CDH2: variants seen among roughly 807,000 people sequenced by gnomAD.
CDH2 encodes the protein cadherin 2.
Under a neutral mutation model 92.0 loss-of-function variants are expected in CDH2, and 17 were observed. The observed-to-expected ratio is 0.18, with a 90% CI of 0.13 to 0.28. The LOEUF (loss-of-function observed/expected upper bound fraction) is 0.28. Among genes scored for constraint, CDH2 ranks in the 10% least tolerant of loss-of-function variants. The pLI, the probability that CDH2 is intolerant of heterozygous loss-of-function variation, is 1.00. For synonymous variants in CDH2, 419 were observed against 415.9 expected (o/e 1.01, Z -0.09); for missense variants, 862 against 1,133.1 (o/e 0.76, Z 3.44).
chr18:27,953,872 A>T (rs558408720), intron 15 of CDH2, among the ~76,000 whole-genome samples: 7 of 152,304 alleles, frequency 4.6e-5, no homozygotes, highest in East Asian at 3.9e-4. Flanking sequence ...TAGTATTTTT[A>T]AAAAATTTAA....
At chr18:28,036,598 C>A in intron 2 of CDH2, 1 of 1,261,092 alleles carries the variant, frequency 7.9e-7, no homozygotes, top group Non-Finnish European at 1.1e-6. Context: ...TGAACAAAGT[C>A]ATAATAGGTA....
chr18:27,983,951 C>G (rs2012143329), intron 13 of CDH2, among the ~76,000 whole-genome samples: 1 of 152,190 alleles, frequency 6.6e-6, no homozygotes, highest in African/African-American at 2.4e-5. Context: ...GATTTAATGA[C>G]TCCTATTGGA....
At chr18:27,940,310 A>G (rs1909107176) in intron 6 of CDH2, among the ~76,000 whole-genome samples, 2 of 152,094 alleles carry the variant, frequency 1.3e-5, no homozygotes, top group African/African-American at 4.8e-5. Context: ...CTCTTGGGTA[A>G]TCCTGCATGG....
chr18:27,982,903 G>A (rs201574081), intron 14 of CDH2, 41 bp downstream of exon 14: 148 of 1,391,380 alleles, frequency 1.1e-4, no homozygotes, highest in Middle Eastern at 1.9e-4. Flanking sequence ...AAATTTATAC[G>A]ATCATAAAAT....
chr18:27,989,429 A>T (rs745377696), intron 10 of CDH2, among the ~76,000 whole-genome samples: 4 of 152,182 alleles, frequency 2.6e-5, no homozygotes, highest in Admixed American at 6.5e-5. Flanking sequence ...GAAATGGAGA[A>T]CATTTAACAT....
chr18:27,987,623 G>A (rs1357449002), intron 11 of CDH2, among the ~76,000 whole-genome samples: 1 of 152,096 alleles, frequency 6.6e-6, no homozygotes, highest in Non-Finnish European at 1.5e-5. Context: ...TTAAAATATA[G>A]TTGTGGTTCA....
chr18:28,155,038 TAC>T (rs1321349958), intron 1 of CDH2, among the ~76,000 whole-genome samples: 1 of 152,202 alleles, frequency 6.6e-6, no homozygotes, highest in Non-Finnish European at 1.5e-5. Flanking sequence ...TTGTAACAAT[TAC>T]ATTATTGTTT....
intron 6 of CDH2, among the ~76,000 whole-genome samples, chr18:27,937,927 T>C: frequency 6.6e-6 from 1 of 152,304 alleles, no homozygotes; most frequent in Middle Eastern, 3.4e-3. Context: ...GCATATGATA[T>C]GGTTTGAATA....
intron 2 of CDH2, among the ~76,000 whole-genome samples, chr18:28,029,823 C>T (rs1187954528): frequency 6.6e-6 from 1 of 152,082 alleles, no homozygotes; most frequent in African/African-American, 2.4e-5. Flanking sequence ...GCTACACACT[C>T]TTAGTCCAGC....
chr18:28,036,609 T>C (rs1050239036), intron 2 of CDH2: 4 of 1,154,042 alleles, frequency 3.5e-6, no homozygotes, highest in African/African-American at 3.1e-5. Flanking sequence ...ATAATAGGTA[T>C]GTCAGAATGA....
At chr18:28,116,777 A>G (rs553562409) in intron 2 of CDH2, among the ~76,000 whole-genome samples, 21 of 152,298 alleles carry the variant, frequency 1.4e-4, no homozygotes, top group Admixed American at 1.2e-3. Flanking sequence ...CTCCTGACTT[A>G]GAGAACTGAC....
chr18:27,940,323 G>A (rs1263415119), intron 6 of CDH2, among the ~76,000 whole-genome samples: 2 of 152,124 alleles, frequency 1.3e-5, no homozygotes, highest in Non-Finnish European at 2.9e-5. Context: ...CTGCATGGCG[G>A]GTTCAGTTGC....
intron 1 of CDH2, chr18:28,168,726 A>G: frequency 5.2e-6 from 1 of 191,968 alleles, no homozygotes. Context: ...TTAACCAAGC[A>G]TTATGTTTTG....
At chr18:28,092,987 C>T (rs2015063685) in intron 2 of CDH2, among the ~76,000 whole-genome samples, 1 of 152,016 alleles carries the variant, frequency 6.6e-6, no homozygotes, top group Non-Finnish European at 1.5e-5. Context: ...ATGTAGGTAA[C>T]ACCGAGTTGT....
At chr18:28,142,636 A>AT (rs2015973529) in intron 2 of CDH2, among the ~76,000 whole-genome samples, 1 of 151,900 alleles carries the variant, frequency 6.6e-6, no homozygotes, top group African/African-American at 2.4e-5. Flanking sequence ...ATGACATTTC[A>AT]TTTTTTCCTC....
intron 6 of CDH2, among the ~76,000 whole-genome samples, chr18:27,942,591 A>G (rs995905841): frequency 2.0e-5 from 3 of 152,224 alleles, no homozygotes; most frequent in Non-Finnish European, 2.9e-5. Flanking sequence ...GCCAAGAGTT[A>G]GTATATTAGA....
At chr18:28,005,396 T>C (rs1175278022) in intron 6 of CDH2, among the ~76,000 whole-genome samples, 2 of 152,166 alleles carry the variant, frequency 1.3e-5, no homozygotes, top group African/African-American at 4.8e-5. Flanking sequence ...ATGCTTTCGC[T>C]ATGACTTCGC....
At chr18:27,985,475 G>A in intron 12 of CDH2, 53 bp downstream of exon 12, 1 of 1,199,134 alleles carries the variant, frequency 8.3e-7, no homozygotes, top group Admixed American at 2.1e-5. Flanking sequence ...TTTCATGCCA[G>A]GCTTCAAAAT....
intron 7 of CDH2, among the ~76,000 whole-genome samples, chr18:27,997,143 G>A (rs906702396): frequency 2.0e-5 from 3 of 152,236 alleles, no homozygotes; most frequent in Non-Finnish European, 2.9e-5. Context: ...GAAGTAGCAC[G>A]TGAAAGGCTG....
Sources: allele counts gnomAD v4.1 joint callset (sites outside exome capture counted in the v4.1 genomes callset), GRCh38; gene constraint gnomAD v4.1.1; transcripts MANE v1.5; gene names NCBI Gene and HGNC (gene_info 2026-07-23, HGNC 2026-07-21).